Variants in CADPS2 observed in about 807,000 individuals in gnomAD.
CADPS2 encodes the protein calcium dependent secretion activator 2.
A neutral mutation model predicts 172.5 loss-of-function variants in CADPS2; 93 were observed. That is an observed-to-expected ratio of 0.54 (90% CI 0.46 to 0.64). The LOEUF is 0.64. Among genes scored for constraint, CADPS2 ranks in the 30% least tolerant of loss-of-function variants. The probability of loss-of-function intolerance (pLI) is 0.00; values close to 1 mark genes in which losing one functional copy is unlikely to be tolerated. For missense variants in CADPS2, 1,420 were observed against 1,565.9 expected (o/e 0.91, Z 1.57); for synonymous variants, 546 against 555.2 (o/e 0.98, Z 0.23).
In CADPS2 at chr7:122,400,384, C is replaced by A. The variant is rs571262337; in HGVS notation, c.2747-6802G>T. 3.6e-3 allele frequency among the ~76,000 whole-genome samples: 545 copies of A among 151,988 alleles called. 4 individuals carry two copies. The highest frequency in any genetic ancestry group is 0.012 in the African/African-American group (514 of 41,448). On this transcript the variant is annotated intron_variant, in intron 20 of 29. Transcript: ENST00000449022. ...TCTGGGAGGCGGAGGTTGTGGTCAGCCAAGATCACTCCATTGCACTCCAGC... is the reference window on the plus strand; with the variant it reads ...TCTGGGAGGCGGAGGTTGTGGTCAGACAAGATCACTCCATTGCACTCCAGC...
rs139133692 is a variant in CADPS2 at position 122,735,732 on chromosome 7, TG to T, written c.453+1222del. On this transcript the variant is annotated intron_variant, in intron 2 of 29. Coordinates refer to ENST00000449022, the MANE Select transcript of CADPS2 (RefSeq NM_017954.11). ...TTATCAAAACCAAATATAAGCCTAC[TG>T]TTTCACTAAAAACTTTATATCTTTT... Among the ~76,000 whole-genome samples, 929 of 152,298 alleles carry T rather than the reference TG, an allele frequency of 6.1e-3. 9 individuals carry two copies. The highest frequency in any genetic ancestry group is 0.021 in the African/African-American group (891 of 41,542).
intron 7 of CADPS2, among the ~76,000 whole-genome samples, chr7:122,573,658 C>G (rs1011746129): frequency 6.6e-6 from 1 of 152,048 alleles, no homozygotes; most frequent in Non-Finnish European, 1.5e-5. Flanking sequence ...CCAAAATGTA[C>G]TTTGTACTCA....
intron 12 of CADPS2, 118 bp downstream of exon 12, chr7:122,480,734 T>A (rs961556610): frequency 9.5e-6 from 6 of 634,326 alleles, no homozygotes; most frequent in African/African-American, 1.9e-5. Context: ...TTAAATATTC[T>A]GGGTTTGGCT....
intron 3 of CADPS2, among the ~76,000 whole-genome samples, chr7:122,654,290 C>G (rs1444000427): frequency 6.6e-6 from 1 of 152,216 alleles, no homozygotes; most frequent in Non-Finnish European, 1.5e-5. Flanking sequence ...AAAGTGACTA[C>G]ACTAAACAAC....
At chr7:122,614,718 A>T (rs1164473410) in intron 6 of CADPS2, among the ~76,000 whole-genome samples, 1 of 152,212 alleles carries the variant, frequency 6.6e-6, no homozygotes, top group Non-Finnish European at 1.5e-5. Context: ...GTAGTCGTAC[A>T]TTAACTGCTT....
chr7:122,489,251 T>C (rs2058088859), intron 11 of CADPS2, among the ~76,000 whole-genome samples: 1 of 152,122 alleles, frequency 6.6e-6, no homozygotes, highest in Admixed American at 6.5e-5. Context: ...TACTGAAGGG[T>C]ATCTAAAAAG....
At chr7:122,584,736 G>C (rs1397469925) in intron 6 of CADPS2, among the ~76,000 whole-genome samples, 1 of 151,968 alleles carries the variant, frequency 6.6e-6, no homozygotes, top group Admixed American at 6.6e-5. Context: ...CATAAATTTA[G>C]AAAGTGCTAT....
chr7:122,556,514 T>C (rs569308634), intron 7 of CADPS2, among the ~76,000 whole-genome samples: 3 of 152,278 alleles, frequency 2.0e-5, no homozygotes, highest in South Asian at 4.1e-4. Context: ...TGAACTCTTA[T>C]ACAGGAAGGG....
chr7:122,323,914 T>G (rs2033250628), intron 29 of CADPS2, among the ~76,000 whole-genome samples: 1 of 104,344 alleles, frequency 9.6e-6, no homozygotes, highest in African/African-American at 3.6e-5. Flanking sequence ...TATATATATA[T>G]ATATATATGG....
In CADPS2 at chr7:122,440,370, T is replaced by C. The variant is rs1414942918; in HGVS notation, c.2352+1142A>G. The C allele has an allele frequency of 2.6e-5, 4 of 152,292 alleles. No individual in the cohort carries two copies. The East Asian group carries it at 7.7e-4, about 29-fold the overall frequency. 9.4% of individuals were successfully genotyped at this position (152,292 alleles called of 1,614,324 possible). ...CAAAAAATAAAGCAATCCTTAAGGA[T>C]TTTTATTCATAATACCTTAATGAAT... On this transcript the variant is annotated intron_variant, in intron 16 of 29. Transcript: ENST00000449022.
At chr7:122,604,585 A>G in intron 6 of CADPS2, among the ~76,000 whole-genome samples, 1 of 152,166 alleles carries the variant, frequency 6.6e-6, no homozygotes, top group East Asian at 1.9e-4. Flanking sequence ...TAAAGTCTTT[A>G]GAGTTCAGGA....
At chr7:122,873,727 A>G (rs931467103) in intron 1 of CADPS2, among the ~76,000 whole-genome samples, 5 of 152,148 alleles carry the variant, frequency 3.3e-5, no homozygotes, top group African/African-American at 1.2e-4. Context: ...CTGGTTCTAG[A>G]TCCCAGAGGA....
At chr7:122,388,760 A>T in intron 22 of CADPS2, 22 bp from the exon 23 acceptor site, 1 of 1,578,988 alleles carries the variant, frequency 6.3e-7, no homozygotes, top group Admixed American at 1.7e-5. Context: ...AGGAAAAATG[A>T]ACATCATGAA....
chr7:122,839,435 TAACTA>T (rs1232192730), intron 1 of CADPS2, among the ~76,000 whole-genome samples: 3 of 152,188 alleles, frequency 2.0e-5, no homozygotes, highest in African/African-American at 7.2e-5. Flanking sequence ...AAATGGGATC[TAACTA>T]AACTAAAGAA....
intron 1 of CADPS2, among the ~76,000 whole-genome samples, chr7:122,854,826 C>T (rs986777813): frequency 6.6e-6 from 1 of 152,200 alleles, no homozygotes; most frequent in African/African-American, 2.4e-5. Flanking sequence ...CATGAAAACA[C>T]TGTTTCAGCA....
At chr7:122,503,687 T>C (rs893611220) in intron 9 of CADPS2, among the ~76,000 whole-genome samples, 2 of 152,210 alleles carry the variant, frequency 1.3e-5, no homozygotes, top group Non-Finnish European at 2.9e-5. Context: ...TCTCCCCTTA[T>C]GTTCTTATAA....
intron 1 of CADPS2, among the ~76,000 whole-genome samples, chr7:122,767,148 G>A (rs554625067): frequency 3.3e-5 from 5 of 152,206 alleles, no homozygotes; most frequent in Non-Finnish European, 5.9e-5. Flanking sequence ...TTTATTTAAT[G>A]AGTTTCTAAA....
At chr7:122,752,092 TA>T (rs1414114553) in intron 1 of CADPS2, among the ~76,000 whole-genome samples, 2 of 152,128 alleles carry the variant, frequency 1.3e-5, no homozygotes, top group Admixed American at 1.3e-4. Context: ...TTCAGGAAGC[TA>T]AAAACTGAAA....
At chr7:122,818,916 G>T (rs878857367) in intron 1 of CADPS2, among the ~76,000 whole-genome samples, 1 of 152,052 alleles carries the variant, frequency 6.6e-6, no homozygotes, top group Non-Finnish European at 1.5e-5. Context: ...GACCCTAAAA[G>T]GTCAAAAGGC....
Sources: allele counts gnomAD v4.1 joint callset (sites outside exome capture counted in the v4.1 genomes callset), GRCh38; gene constraint gnomAD v4.1.1; transcripts MANE v1.5; gene names NCBI Gene and HGNC (gene_info 2026-07-23, HGNC 2026-07-21).